Variants in C7 observed in about 807,000 individuals in gnomAD.
C7 encodes the protein complement C7.
In C7, 83 loss-of-function variants were observed where a neutral mutation model predicts 104.8. That is an observed-to-expected ratio of 0.79 (90% confidence interval 0.66 to 0.95). The LOEUF (loss-of-function observed/expected upper bound fraction) is 0.95. Among genes scored for constraint, C7 ranks in the 40% least tolerant of loss-of-function variants. C7 has a pLI of 0.00. For synonymous variants in C7, 415 were observed against 360.6 expected, an observed-to-expected ratio of 1.15 and a Z score of -1.71; for missense variants, 1,070 against 1,011.2, an observed-to-expected ratio of 1.06 and a Z score of -0.79.
At chr5:40,963,744 T>G (rs1394358230) in intron 13 of C7, among the ~76,000 whole-genome samples, 2 of 152,108 alleles carry the variant, frequency 1.3e-5, no homozygotes, top group Non-Finnish European at 2.9e-5. Context: ...GGCTCAGACT[T>G]CAAATTCCAC....
At chr5:40,965,686 G>A (rs1408432666) in intron 14 of C7, among the ~76,000 whole-genome samples, 2 of 146,036 alleles carry the variant, frequency 1.4e-5, no homozygotes, top group Non-Finnish European at 3.0e-5. Context: ...CTTTTGCCAA[G>A]GCTGGAGTGC....
At chr5:40,942,769 T>TA (rs1407171123) in intron 6 of C7, among the ~76,000 whole-genome samples, 1 of 137,682 alleles carries the variant, frequency 7.3e-6, no homozygotes, top group Non-Finnish European at 1.6e-5. Context: ...TCTTTCTTTC[T>TA]TTTTTTTTTT....
intron 1 of C7, among the ~76,000 whole-genome samples, chr5:40,926,849 A>C (rs749823337): frequency 1.3e-5 from 2 of 152,190 alleles, no homozygotes; most frequent in Non-Finnish European, 2.9e-5. Context: ...GTTTTAATGC[A>C]ATCTTTATCA....
chr5:40,972,490 T>C lies in C7; in HGVS notation c.1970T>C (p.Val657Ala). ...TACACAGTTGGTGAGAAGGTGACTGTTTCCTGTTCAGGTGGCATGTCCTTA... is the reference window on the plus strand; with the variant it reads ...TACACAGTTGGTGAGAAGGTGACTGCTTCCTGTTCAGGTGGCATGTCCTTA... Reference protein sequence around the residue: ...PFYTVGEKVTVSCSGGMSLEG... With the variant: ...PFYTVGEKVTASCSGGMSLEG... The change falls in exon 15 of 18, where the codon GTT becomes GCT. Residue 657 changes from valine (V) to alanine (A), a missense_variant. Val to Ala is a moderately conservative substitution (Grantham distance 64). Transcript: ENST00000313164. 1 of 1,613,900 alleles carries C rather than the reference T, an allele frequency of 6.2e-7. No homozygotes were observed. The highest frequency in any genetic ancestry group is 8.5e-7 in the Non-Finnish European group (1 of 1,179,796).
At chr5:40,928,506 A>T in intron 1 of C7, 74 bp from the exon 2 acceptor site, 1 of 843,082 alleles carries the variant, frequency 1.2e-6, no homozygotes, top group South Asian at 1.7e-5. Context: ...AATTTATACA[A>T]TTATAAATTG....
At chr5:40,915,104 G>A (rs941800047) in intron 1 of C7, among the ~76,000 whole-genome samples, 8 of 152,294 alleles carry the variant, frequency 5.3e-5, no homozygotes, top group Non-Finnish European at 1.2e-4. Flanking sequence ...TGAATCATTT[G>A]TGCCAGAGTA....
Position 40,955,552 on chromosome 5 carries a change from AG to A in C7, c.1260+1del, listed in dbSNP as rs1160639525. The A allele has an allele frequency of 6.2e-7, 1 of 1,609,886 alleles. No individual in the cohort carries two copies. The highest frequency in any genetic ancestry group is 8.5e-7 in the Non-Finnish European group (1 of 1,178,180). On this transcript the variant is annotated frameshift_variant and splice_region_variant, in exon 10 of 18. Coordinates refer to ENST00000313164, the MANE Select transcript of C7 (RefSeq NM_000587.4). LOFTEE classifies it high-confidence loss of function. ...VTNLPQVIKQ[K>X]LTPLYELVKE... The stretch of plus-strand genomic sequence containing the variant: ...AATCTTCCTCAAGTCATAAAACAAA[AG>A]GTATGTCAGGCTTTGTTTAAAGCAA...
At chr5:40,941,177 C>G (rs1739928413) in intron 6 of C7, among the ~76,000 whole-genome samples, 2 of 151,728 alleles carry the variant, frequency 1.3e-5, no homozygotes, top group African/African-American at 4.8e-5. Flanking sequence ...GATTCTCATG[C>G]CTCGGCCTAC....
At chr5:40,925,966 C>T (rs1739542262) in intron 1 of C7, among the ~76,000 whole-genome samples, 1 of 152,134 alleles carries the variant, frequency 6.6e-6, no homozygotes, top group African/African-American at 2.4e-5. Flanking sequence ...AAAAAGAAAA[C>T]TACATGCCAA....
At chr5:40,979,992 C>G in intron 17 of C7, 83 bp downstream of exon 17, 1 of 1,226,100 alleles carries the variant, frequency 8.2e-7, no homozygotes, top group Non-Finnish European at 1.1e-6. Context: ...TCTAGTTTAG[C>G]AGTGGGCCGA....
chr5:40,936,253 G>A, intron 4 of C7, 85 bp from the exon 5 acceptor site: 1 of 1,188,766 alleles, frequency 8.4e-7, no homozygotes, highest in Non-Finnish European at 1.2e-6. Flanking sequence ...AGTGTTACAG[G>A]TAGCAGGAAA....
chr5:40,915,684 A>G (rs1739303423), intron 1 of C7, among the ~76,000 whole-genome samples: 1 of 152,174 alleles, frequency 6.6e-6, no homozygotes. Context: ...TCTCCCCCAA[A>G]TAACCTCCCC....
intron 2 of C7, among the ~76,000 whole-genome samples, chr5:40,929,472 T>A (rs182026818): frequency 8.8e-4 from 134 of 152,260 alleles, no homozygotes; most frequent in Non-Finnish European, 1.5e-3. Context: ...GTTGGCAAGA[T>A]TGGCCCTGTA....
intron 1 of C7, among the ~76,000 whole-genome samples, chr5:40,910,756 C>A (rs1739189235): frequency 1.4e-5 from 2 of 144,558 alleles, no homozygotes; most frequent in African/African-American, 5.1e-5. Flanking sequence ...CTAGACACTG[C>A]ACTCCAGCCT....
Position 40,915,397 on chromosome 5 carries a change from G to A in C7, c.6+5781G>A, listed in dbSNP as rs10044178. 7.4e-3 allele frequency among the ~76,000 whole-genome samples: 1,132 copies of A among 152,270 alleles called. 18 individuals are homozygous for A. Among genetic ancestry groups the A allele is most frequent in the African/African-American group, 0.026 (1,087 of 41,554 alleles). On this transcript the variant is annotated intron_variant, in intron 1 of 17. Coordinates refer to ENST00000313164, the MANE Select transcript of C7 (RefSeq NM_000587.4). The stretch of plus-strand genomic sequence containing the variant: ...ACAAGCACTCAGAAACTGAAAGTAA[G>A]AGAGACAGATTTAAAATTGGAGGAT...
chr5:40,974,871 G>A (rs751361741), intron 15 of C7, among the ~76,000 whole-genome samples: 1 of 152,088 alleles, frequency 6.6e-6, no homozygotes, highest in Non-Finnish European at 1.5e-5. Flanking sequence ...CAACCTCAAC[G>A]CTATTGGAAT....
At chr5:40,939,438 C>T (rs1328335499) in intron 6 of C7, among the ~76,000 whole-genome samples, 2 of 152,160 alleles carry the variant, frequency 1.3e-5, no homozygotes, top group East Asian at 1.9e-4. Flanking sequence ...CTGACATACT[C>T]AAAGTCACCA....
chr5:40,951,793 A>G (rs538459969), intron 9 of C7, among the ~76,000 whole-genome samples: 5 of 152,264 alleles, frequency 3.3e-5, no homozygotes, highest in African/African-American at 1.2e-4. Context: ...TCAGTGAAGA[A>G]GCAGGGATTC....
chr5:40,928,604 G>A lies in C7; in HGVS notation c.31G>A (p.Gly11Arg), dbSNP rs1177542943. The change falls in exon 2 of 18, where the codon GGA becomes AGA. Residue 11 changes from glycine to arginine, a missense_variant. Coordinates refer to ENST00000313164, the MANE Select transcript of C7 (RefSeq NM_000587.4). ...GGTGATAAGCTTATTCATTTTGGTGGGATTTATAGGAGAGTTCCAAAGTTT... is the reference window on the plus strand; with the variant it reads ...GGTGATAAGCTTATTCATTTTGGTGAGATTTATAGGAGAGTTCCAAAGTTT... Reference protein sequence around the residue: MKVISLFILVGFIGEFQSFSS... With the variant: MKVISLFILVRFIGEFQSFSS... 1 of 1,549,914 alleles carries A rather than the reference G, an allele frequency of 6.5e-7. No individual in the cohort carries two copies. The highest frequency in any genetic ancestry group is 8.7e-7 in the Non-Finnish European group (1 of 1,143,172).
Sources: allele counts gnomAD v4.1 joint callset (sites outside exome capture counted in the v4.1 genomes callset), GRCh38; gene constraint gnomAD v4.1.1; transcripts MANE v1.5; gene names NCBI Gene and HGNC (gene_info 2026-07-23, HGNC 2026-07-21).